The following RAMP1 variants were observed in gnomAD, a reference collection of about 807,000 sequenced individuals.
The protein encoded by RAMP1 is receptor activity modifying protein 1, also known as receptor activity-modifying protein 1.
RAMP1 carries 7 observed loss-of-function variants against 8.2 expected under a neutral mutation model. The observed-to-expected ratio is 0.85, with a 90% confidence interval of 0.49 to 1.60. RAMP1 has a LOEUF of 1.60. Among genes scored for constraint, RAMP1 ranks in the 40% most tolerant of loss-of-function variants. The pLI is 0.00. For missense variants in RAMP1, 192 were observed against 202.4 expected, an observed-to-expected ratio of 0.95 and a Z score of 0.31; for synonymous variants, 92 against 84.7, an observed-to-expected ratio of 1.09 and a Z score of -0.47.
intron 2 of RAMP1, among the ~76,000 whole-genome samples, chr2:237,900,237 G>A (rs1214345431): frequency 6.6e-6 from 1 of 152,172 alleles, no homozygotes; most frequent in African/African-American, 2.4e-5. Context: ...TCGACTCACT[G>A]CAACCTCTGC....
At chr2:237,884,301 T>G (rs112668526) in intron 2 of RAMP1, among the ~76,000 whole-genome samples, 2,753 of 152,254 alleles carry the variant, frequency 0.018, 42 homozygotes, top group Non-Finnish European at 0.029. Context: ...GGTTTGCTGA[T>G]GGAGGCATAA....
chr2:237,896,335 C>G (rs964115346), intron 2 of RAMP1, among the ~76,000 whole-genome samples: 1 of 152,186 alleles, frequency 6.6e-6, no homozygotes, highest in Non-Finnish European at 1.5e-5. Flanking sequence ...CCTGGCTGCA[C>G]ATGGAGCCAG....
chr2:237,885,503 C>A (rs2062418968), intron 2 of RAMP1, among the ~76,000 whole-genome samples: 1 of 152,278 alleles, frequency 6.6e-6, no homozygotes, highest in African/African-American at 2.4e-5. Flanking sequence ...ACTGGGACCC[C>A]TCTGTGCTCT....
At position 237,877,459 on chromosome 2, in the gene RAMP1, T is replaced by C; in HGVS notation, c.191+97T>C. Reference sequence around the variant, plus strand: ...CCACGTGGGAGCTGTGGAAGATCCTTTCTAGACCCCGGAAGGGTTCTTCCC... The same window carrying C: ...CCACGTGGGAGCTGTGGAAGATCCTCTCTAGACCCCGGAAGGGTTCTTCCC... On this transcript the variant is annotated intron_variant, in intron 2 of 2. Coordinates refer to ENST00000254661, the MANE Select transcript of RAMP1 (RefSeq NM_005855.4). The surrounding 1 kb of genome is among the most constrained non-coding windows in gnomAD (Gnocchi z 4.4). 6.7e-7 allele frequency: 1 copy of C among 1,483,638 alleles called. No individual in the cohort carries two copies. The highest frequency in any genetic ancestry group is 9.0e-7 in the Non-Finnish European group (1 of 1,108,746). The allele number at this position is 1,483,638 out of a possible 1,614,324, so 91.9% of individuals were successfully genotyped here. A position where few individuals can be genotyped will look rare whatever the true frequency, so the allele number is the denominator to read the frequency against.
intron 2 of RAMP1, among the ~76,000 whole-genome samples, chr2:237,896,366 C>T (rs1469504693): frequency 1.3e-5 from 2 of 152,316 alleles, no homozygotes; most frequent in East Asian, 1.9e-4. Context: ...AGAAACCTCT[C>T]GCTTCTCCCA....
At chr2:237,887,092 G>C (rs1375324455) in intron 2 of RAMP1, among the ~76,000 whole-genome samples, 4 of 152,102 alleles carry the variant, frequency 2.6e-5, no homozygotes, top group Non-Finnish European at 5.9e-5. Flanking sequence ...TGGGGAAGGG[G>C]TGGGGGTGGG....
At chr2:237,910,557 A>T (rs768396936) in intron 2 of RAMP1, among the ~76,000 whole-genome samples, 8 of 152,144 alleles carry the variant, frequency 5.3e-5, no homozygotes, top group Non-Finnish European at 8.8e-5. Flanking sequence ...AATAACAGTC[A>T]CACACACAGA....
intron 2 of RAMP1, among the ~76,000 whole-genome samples, chr2:237,902,145 G>A (rs930165187): frequency 3.3e-5 from 5 of 152,064 alleles, no homozygotes; most frequent in African/African-American, 1.2e-4. Context: ...ACTTCGCGGG[G>A]GATGCCTCTC....
At chr2:237,896,618 G>A (rs891689001) in intron 2 of RAMP1, among the ~76,000 whole-genome samples, 2 of 152,206 alleles carry the variant, frequency 1.3e-5, no homozygotes, top group African/African-American at 4.8e-5. Context: ...ACTCACGCGG[G>A]GAAACAGGTC....
intron 2 of RAMP1, among the ~76,000 whole-genome samples, chr2:237,882,032 C>G (rs1559942838): frequency 6.6e-6 from 1 of 152,210 alleles, no homozygotes; most frequent in African/African-American, 2.4e-5. Flanking sequence ...CATCGAAATC[C>G]TTGGCCCATC....
intron 2 of RAMP1, among the ~76,000 whole-genome samples, chr2:237,885,251 G>A (rs1164613573): frequency 3.3e-5 from 5 of 152,178 alleles, no homozygotes; most frequent in Non-Finnish European, 7.4e-5. Context: ...CTGGGCCAAG[G>A]GCAGGGTGTC....
intron 1 of RAMP1, among the ~76,000 whole-genome samples, chr2:237,864,627 G>A (rs182502951): frequency 7.8e-4 from 119 of 152,338 alleles, no homozygotes; most frequent in Non-Finnish European, 1.3e-3. Context: ...GGACTCGGAG[G>A]GGGCAAAGGA....
At chr2:237,870,496 T>C (rs1013869777) in intron 1 of RAMP1, among the ~76,000 whole-genome samples, 7 of 152,280 alleles carry the variant, frequency 4.6e-5, no homozygotes, top group African/African-American at 1.7e-4. Context: ...TGTTTCTTAA[T>C]ACTTACAGAG....
Position 237,859,797 on chromosome 2 carries a change from G to GGGGAGCGGGT in RAMP1, c.52+94_52+103dup, listed in dbSNP as rs200903832. The GGGGAGCGGGT allele has an allele frequency of 2.9e-4, 400 of 1,364,476 alleles. 5 individuals carry two copies. The South Asian group carries it at 3.0e-3, about 10-fold the overall frequency. The allele number at this position is 1,364,476 out of a possible 1,614,324, so 84.5% of individuals were successfully genotyped here. ...AGCCGGTGTCCTCTAGGGGAGAGGAGGGGAGCGGGTGGGAGCGGGTGGGAG... is the reference window on the plus strand; with the variant it reads ...AGCCGGTGTCCTCTAGGGGAGAGGAGGGGAGCGGGTGGGAGCGGGTGGGAGCGGGTGGGAG... On this transcript the variant is annotated intron_variant, in intron 1 of 2. Transcript: ENST00000254661.
intron 2 of RAMP1, among the ~76,000 whole-genome samples, chr2:237,881,409 A>G (rs1201444899): frequency 1.3e-5 from 2 of 152,254 alleles, no homozygotes; most frequent in Admixed American, 6.5e-5. Context: ...GTGTTTTCCC[A>G]GCACTGGAGC....
chr2:237,870,377 G>A (rs2062233272), intron 1 of RAMP1, among the ~76,000 whole-genome samples: 1 of 152,242 alleles, frequency 6.6e-6, no homozygotes, highest in East Asian at 1.9e-4. Flanking sequence ...AGGCCTCCGT[G>A]GGGGCGGTAG....
At chr2:237,871,599 C>T (rs576696667) in intron 1 of RAMP1, among the ~76,000 whole-genome samples, 3 of 152,236 alleles carry the variant, frequency 2.0e-5, no homozygotes, top group Admixed American at 6.5e-5. Context: ...CACCGCCCCC[C>T]GACCCCAACT....
chr2:237,887,864 G>A (rs1300985006), intron 2 of RAMP1, among the ~76,000 whole-genome samples: 1 of 152,230 alleles, frequency 6.6e-6, no homozygotes, highest in East Asian at 1.9e-4. Flanking sequence ...CCAGGAGGTT[G>A]AGGTTGTGCC....
At chr2:237,904,342 C>G (rs960635606) in intron 2 of RAMP1, among the ~76,000 whole-genome samples, 4 of 152,122 alleles carry the variant, frequency 2.6e-5, no homozygotes, top group Admixed American at 1.3e-4. Flanking sequence ...TGGCATGAAC[C>G]CAGGAAGTGG....
Sources: allele counts gnomAD v4.1 joint callset (sites outside exome capture counted in the v4.1 genomes callset), GRCh38; gene constraint gnomAD v4.1.1; non-coding constraint Gnocchi (gnomAD v3.1); transcripts MANE v1.5; gene names NCBI Gene and HGNC (gene_info 2026-07-23, HGNC 2026-07-21).